Variants in OGN observed in about 807,000 individuals in gnomAD.
The protein encoded by OGN is mimecan.
OGN carries 19 observed loss-of-function variants against 30.8 expected under a neutral mutation model. That is an observed-to-expected ratio of 0.62 (90% CI 0.43 to 0.90). The LOEUF (loss-of-function observed/expected upper bound fraction) is 0.90. Among genes scored for constraint, OGN ranks in the 40% least tolerant of loss-of-function variants. The pLI, the probability that OGN is intolerant of heterozygous loss-of-function variation, is 0.00. For missense variants in OGN, 283 were observed against 349.7 expected, an observed-to-expected ratio of 0.81 and a Z score of 1.52; for synonymous variants, 126 against 128.3, an observed-to-expected ratio of 0.98 and a Z score of 0.12.
chr9:92,394,548 A>G (rs1442764440), intron 3 of OGN, among the ~76,000 whole-genome samples: 1 of 150,872 alleles, frequency 6.6e-6, no homozygotes, highest in Non-Finnish European at 1.5e-5. Context: ...ATCACACCTG[A>G]CCTATTTTGA....
Position 92,403,302 on chromosome 9 carries a change from C to G in OGN, c.106G>C (p.Asp36His). The change falls in exon 2 of 7, where the codon GAT (aspartate) becomes CAT (histidine). Residue 36 changes from aspartate (D) to histidine (H), a missense_variant. Coordinates refer to ENST00000375561, the MANE Select transcript of OGN (RefSeq NM_014057.5). ...DSRIIYDYGT[D>H]NFEESIFSQD... is the part of the protein sequence containing the mutation. ...CTAAATATGGATTCTTCAAAATTAT[C>G]TGTTCCATAATCATAGATAATGCGT... The G allele has an allele frequency of 6.2e-7, 1 of 1,612,250 alleles. No individual in the cohort carries two copies.
intron 5 of OGN, among the ~76,000 whole-genome samples, chr9:92,387,499 C>G (rs940730614): frequency 6.6e-6 from 1 of 152,144 alleles, no homozygotes; most frequent in Non-Finnish European, 1.5e-5. Flanking sequence ...TGATCAGTAA[C>G]CCATTATTGT....
rs1843199404 is a variant in OGN, at chr9:92,403,383, G to C, written c.25C>G (p.Leu9Val). The C allele has an allele frequency of 1.9e-6, 3 of 1,612,766 alleles. No individual in the cohort carries two copies. In the East Asian group the frequency reaches 6.7e-5, roughly 36 times the overall value. The change falls in exon 2 of 7, where the codon CTC becomes GTC. Residue 9 changes from leucine to valine, a missense_variant. Physicochemically the swap from Leu to Val is conservative, Grantham distance 32. Coordinates refer to ENST00000375561, the MANE Select transcript of OGN (RefSeq NM_014057.5). ...ATCAGAGGCACAAGCAGTAACAGGA[G>C]AAGTGTAGACTGCAGAGTCTTCATT... is the stretch of plus-strand genomic sequence containing the variant. MKTLQSTL[L>V]LLLLVPLIKP...
intron 5 of OGN, among the ~76,000 whole-genome samples, chr9:92,389,338 C>G (rs1208583331): frequency 1.3e-5 from 2 of 152,142 alleles, no homozygotes; most frequent in African/African-American, 4.8e-5. Flanking sequence ...GTATTTAATT[C>G]TTACTACATA....
Position 92,396,632 on chromosome 9 carries a change from T to C in OGN, c.269-3388A>G, listed in dbSNP as rs1305935599. Reference sequence around the variant, plus strand: ...AGGGTGGGGTACAGTCGCATGATCATGGTTCACTGCAAACCTCGACCTCCT... The same window carrying C: ...AGGGTGGGGTACAGTCGCATGATCACGGTTCACTGCAAACCTCGACCTCCT... On this transcript the variant is annotated intron_variant, in intron 3 of 6. Transcript: ENST00000375561. Among the ~76,000 whole-genome samples, 3 of 151,490 alleles carry C rather than the reference T, an allele frequency of 2.0e-5. No individual in the cohort carries two copies. The East Asian group carries it at 5.9e-4, about 30-fold the overall frequency.
chr9:92,398,283 C>A (rs1481828058), intron 3 of OGN, among the ~76,000 whole-genome samples: 2 of 152,028 alleles, frequency 1.3e-5, no homozygotes, highest in Non-Finnish European at 2.9e-5. Flanking sequence ...TGTTTGTATT[C>A]CAATTTGGGT....
At chr9:92,402,082 GAGA>G (rs1367645728) in intron 2 of OGN, among the ~76,000 whole-genome samples, 2 of 152,164 alleles carry the variant, frequency 1.3e-5, no homozygotes, top group Non-Finnish European at 2.9e-5. Flanking sequence ...GCCCTGTAAA[GAGA>G]AGAAGCAGAG....
chr9:92,404,443 C>G (rs1005916238), intron 1 of OGN, 53 bp downstream of exon 1: 3 of 1,125,496 alleles, frequency 2.7e-6, no homozygotes, highest in African/African-American at 3.3e-5. Context: ...TTAGATGAGT[C>G]AGTCGCACTT....
intron 3 of OGN, among the ~76,000 whole-genome samples, chr9:92,399,809 A>T (rs950425459): frequency 6.6e-6 from 1 of 152,042 alleles, no homozygotes; most frequent in Non-Finnish European, 1.5e-5. Flanking sequence ...CTGAATTTTC[A>T]TGTGTATTTT....
chr9:92,401,575 A>G (rs1048678120), intron 2 of OGN, among the ~76,000 whole-genome samples: 1 of 152,178 alleles, frequency 6.6e-6, no homozygotes, highest in Non-Finnish European at 1.5e-5. Flanking sequence ...TTTCTCATTC[A>G]GATTCTACCA....
At chr9:92,394,408 ATTT>A (rs34978081) in intron 3 of OGN, among the ~76,000 whole-genome samples, 4 of 130,952 alleles carry the variant, frequency 3.1e-5, no homozygotes, top group Non-Finnish European at 3.3e-5. Flanking sequence ...ACACATGGCT[ATTT>A]TTTTTTTTTT....
chr9:92,403,562 C>A, intron 1 of OGN, 80 bp from the exon 2 acceptor site: 1 of 1,322,182 alleles, frequency 7.6e-7, no homozygotes, highest in Non-Finnish European at 9.6e-7. Context: ...CAGTAAGGGC[C>A]AGAGAACAGT....
In OGN at chr9:92,404,497, G is replaced by T. The variant is rs368437420; in HGVS notation, c.-77C>A. The T allele has an allele frequency of 3.1e-6, 4 of 1,287,426 alleles. No individual in the cohort carries two copies. Among genetic ancestry groups the T allele is most frequent in the African/African-American group, 3.1e-5 (2 of 64,658 alleles). The allele number at this position is 1,287,426 out of a possible 1,614,324, so 79.8% of individuals were successfully genotyped here. ...ATAATATATGAAAAGTAAGCCTACC[G>T]TTGTAGCTGTTTTGAAGTTTTTTGT... On this transcript the variant is annotated splice_region_variant and 5_prime_UTR_variant, in exon 1 of 7. Coordinates refer to ENST00000375561, the MANE Select transcript of OGN (RefSeq NM_014057.5).
At position 92,386,133 on chromosome 9, in the gene OGN, C is replaced by T. The variant is rs1056418050; in HGVS notation, c.726+68G>A. The T allele has an allele frequency of 1.1e-5, 13 of 1,188,702 alleles. No homozygotes were observed. The African/African-American group carries it at 1.7e-4, about 15-fold the overall frequency. The allele number at this position is 1,188,702 out of a possible 1,614,324, so 73.6% of individuals were successfully genotyped here. ...AATTTGTATGTGAATAAGTGAGGTT[C>T]CCAATGAGTCACAAGATTTTGACTC... is the stretch of plus-strand genomic sequence containing the variant. On this transcript the variant is annotated intron_variant, in intron 6 of 6. Coordinates refer to ENST00000375561, the MANE Select transcript of OGN (RefSeq NM_014057.5).
chr9:92,399,420 A>G (rs1843019083), intron 3 of OGN, among the ~76,000 whole-genome samples: 3 of 152,176 alleles, frequency 2.0e-5, no homozygotes, highest in Admixed American at 1.3e-4. Context: ...TTTATAAATT[A>G]GAGTTACTAG....
intron 3 of OGN, among the ~76,000 whole-genome samples, chr9:92,398,798 T>C (rs1338948281): frequency 2.0e-5 from 3 of 152,056 alleles, no homozygotes; most frequent in Non-Finnish European, 4.4e-5. Context: ...TGGCCGGGAG[T>C]GGTGGCTCAC....
At chr9:92,392,317 T>C (rs1842717014) in intron 4 of OGN, among the ~76,000 whole-genome samples, 1 of 152,162 alleles carries the variant, frequency 6.6e-6, no homozygotes. Flanking sequence ...TAGGACCTAG[T>C]ATCAGTATTT....
At position 92,403,346 on chromosome 9, in the gene OGN, G is replaced by A. The variant is rs759050833; in HGVS notation, c.62C>T (p.Pro21Leu). ...AATGCGTGAGTCCTGCTGGGTTGGT[G>A]GTGCTGGCTTTATCAGAGGCACAAG... ...LLLVPLIKPA[P>L]PTQQDSRIIY... is the part of the protein sequence containing the mutation. Residue 21 changes from proline to leucine, a missense_variant, in exon 2 of 7, where the codon CCA (proline) becomes CTA (leucine). By Grantham distance (98) the Pro-to-Leu change is moderately conservative. Transcript: ENST00000375561. 2.5e-6 allele frequency: 4 copies of A among 1,613,348 alleles called. No individual in the cohort carries two copies. The highest frequency in any genetic ancestry group is 2.2e-5 in the East Asian group (1 of 44,874).
intron 2 of OGN, 73 bp from the exon 3 acceptor site, chr9:92,401,258 G>A: frequency 1.4e-6 from 1 of 717,082 alleles, no homozygotes; most frequent in South Asian, 1.7e-5. Context: ...AGGGATCACA[G>A]ACACCTTCTC....
Sources: gnomAD v4.1 joint callset for allele counts (sites outside exome capture counted in the v4.1 genomes callset) on GRCh38, gnomAD v4.1.1 for gene constraint, MANE v1.5 for transcripts, NCBI Gene and HGNC (gene_info 2026-07-23, HGNC 2026-07-21) for gene names.